Variants in ATXN3 observed in about 807,000 individuals in gnomAD.
ATXN3 encodes the protein ataxin 3, also known as ataxin-3.
Under a neutral mutation model 58.2 loss-of-function variants are expected in ATXN3, and 28 were observed. That is an observed-to-expected ratio of 0.48 (90% CI 0.36 to 0.66). The LOEUF (loss-of-function observed/expected upper bound fraction) is 0.66, where lower values mean the gene tolerates loss of function less well. ATXN3 is among the 30% of genes least tolerant of loss of function. The probability of loss-of-function intolerance (pLI) is 0.00; values close to 1 mark genes in which losing one functional copy is unlikely to be tolerated. For synonymous variants in ATXN3, 113 were observed against 138.5 expected, an observed-to-expected ratio of 0.82 and a Z score of 1.29; for missense variants, 321 against 422.1, an observed-to-expected ratio of 0.76 and a Z score of 2.10.
intron 10 of ATXN3, 199 bp downstream of exon 10, chr14:92,070,736 A>G: frequency 7.5e-7 from 1 of 1,329,220 alleles, no homozygotes; most frequent in Non-Finnish European, 9.9e-7. Context: ...GTGAGCCACC[A>G]CATCTAGCTT....
upstream of ATXN3, among the ~76,000 whole-genome samples, chr14:92,053,012 G>A (rs559330844): frequency 5.9e-5 from 9 of 152,274 alleles, no homozygotes; most frequent in African/African-American, 1.9e-4. Flanking sequence ...AGCACTTTGG[G>A]AGGCCGAGGC....
At chr14:92,097,123 A>C (rs929450101) in intron 1 of ATXN3, among the ~76,000 whole-genome samples, 1 of 151,882 alleles carries the variant, frequency 6.6e-6, no homozygotes, top group Non-Finnish European at 1.5e-5. Context: ...GTTAGCCAGG[A>C]TGGTCTTGAT....
At chr14:92,076,924 A>T (rs973484491) in intron 9 of ATXN3, among the ~76,000 whole-genome samples, 5 of 124,298 alleles carry the variant, frequency 4.0e-5, no homozygotes, top group African/African-American at 1.6e-4. Context: ...TGGGTGACAG[A>T]GTGAGATTTC....
chr14:92,088,497 A>G (rs1430645595), intron 6 of ATXN3, among the ~76,000 whole-genome samples: 4 of 152,200 alleles, frequency 2.6e-5, no homozygotes, highest in African/African-American at 9.6e-5. Flanking sequence ...AGAAAAAGCC[A>G]TTACTTAGAA....
In ATXN3 at chr14:92,061,693, T is replaced by C. The variant is rs1654577259; in HGVS notation, c.*2627A>G. Reference sequence around the variant, plus strand: ...TTGTTCCTGACTTTCTTGCAGGTGGTTTACAGTAAATGGCAGTACCTGATG... The same window carrying C: ...TTGTTCCTGACTTTCTTGCAGGTGGCTTACAGTAAATGGCAGTACCTGATG... On this transcript the variant is annotated 3_prime_UTR_variant, in exon 11 of 11. Transcript: ENST00000644486. 1 of 152,246 alleles carries C rather than the reference T, an allele frequency of 6.6e-6. No individual in the cohort carries two copies. Among genetic ancestry groups the C allele is most frequent in the African/African-American group, 2.4e-5 (1 of 41,464 alleles). 9.4% of individuals were successfully genotyped at this position (152,246 alleles called of 1,614,324 possible). A position where few individuals can be genotyped will look rare whatever the true frequency, so the allele number is the denominator to read the frequency against.
chr14:92,052,172 C>T (rs1158317975), upstream of ATXN3, among the ~76,000 whole-genome samples: 1 of 152,070 alleles, frequency 6.6e-6, no homozygotes, highest in African/African-American at 2.4e-5. Flanking sequence ...CCTGCATCAA[C>T]TTGTCATCCT....
chr14:92,094,865 G>A lies in ATXN3; in HGVS notation c.235-1034C>T, dbSNP rs905738383. Among the ~76,000 whole-genome samples, 18 of 152,310 alleles carry A rather than the reference G, an allele frequency of 1.2e-4. No individual in the cohort carries two copies. In the South Asian group the frequency reaches 3.3e-3, roughly 28 times the overall value. On this transcript the variant is annotated intron_variant, in intron 3 of 10. Transcript: ENST00000644486. ...CTGCAGTAGCCATTACCTGTTAGCA[G>A]TGGCACGGTAAAGCACTAGATGGAA...
intron 9 of ATXN3, among the ~76,000 whole-genome samples, chr14:92,074,930 C>G (rs1487753784): frequency 6.6e-6 from 1 of 152,190 alleles, no homozygotes; most frequent in Non-Finnish European, 1.5e-5. Flanking sequence ...TAACTGCCAA[C>G]ATGTATGTAT....
chr14:92,102,158 G>A (rs1420062027), intron 1 of ATXN3, among the ~76,000 whole-genome samples: 1 of 150,914 alleles, frequency 6.6e-6, no homozygotes, highest in East Asian at 1.9e-4. Context: ...AAGAAAGTTC[G>A]TGCCACTGCA....
At chr14:92,071,812 T>C (rs1227760153) in intron 9 of ATXN3, among the ~76,000 whole-genome samples, 2 of 152,184 alleles carry the variant, frequency 1.3e-5, no homozygotes, top group African/African-American at 4.8e-5. Flanking sequence ...TTAAAATTTA[T>C]CTCCCCAGAG....
intron 1 of ATXN3, among the ~76,000 whole-genome samples, chr14:92,099,367 A>G (rs962911173): frequency 2.6e-5 from 4 of 152,244 alleles, no homozygotes; most frequent in Non-Finnish European, 5.9e-5. Flanking sequence ...AGACAGCCTC[A>G]GTCTGAGATA....
chr14:92,048,475 T>A (rs993518218), intron 1 of ATXN3, among the ~76,000 whole-genome samples: 37 of 152,352 alleles, frequency 2.4e-4, no homozygotes, highest in African/African-American at 8.2e-4. Context: ...TTCTGGCCAT[T>A]CTGGGTCTAG....
intron 1 of ATXN3, among the ~76,000 whole-genome samples, chr14:92,097,208 T>C (rs1164905164): frequency 6.9e-6 from 1 of 145,106 alleles, no homozygotes; most frequent in Non-Finnish European, 1.5e-5. Context: ...TGCGCCCGGC[T>C]CCCCTAAATA....
chr14:92,096,440 T>A, intron 2 of ATXN3: 1 of 801,482 alleles, frequency 1.2e-6, no homozygotes, highest in South Asian at 1.9e-5. Context: ...CTGACCAACA[T>A]GGTGAAACCC....
chr14:92,057,462 C>T (rs2057484249), downstream of ATXN3, among the ~76,000 whole-genome samples: 1 of 152,034 alleles, frequency 6.6e-6, no homozygotes, highest in South Asian at 2.1e-4. Flanking sequence ...GACATGGCAA[C>T]CAGCAGCCCT....
chr14:92,058,513 T>G (rs996624159), downstream of ATXN3: 9 of 152,188 alleles, frequency 5.9e-5, no homozygotes, highest in Non-Finnish European at 1.3e-4. Flanking sequence ...ACACTTTGAA[T>G]AGCTATGAAT....
Position 92,084,683 on chromosome 14 carries a change from G to A in ATXN3, c.476-1425C>T, listed in dbSNP as rs182761342. 2.0e-5 allele frequency among the ~76,000 whole-genome samples: 3 copies of A among 151,754 alleles called. No homozygotes were observed. The East Asian group carries it at 5.8e-4, about 30-fold the overall frequency. ...CCTCTGCCTCCCAGGAGGTTCAAGC[G>A]ATTCTCCTGCCTCAGCCTCCTGAGT... On this transcript the variant is annotated intron_variant, in intron 6 of 10. Transcript: ENST00000644486.
intron 1 of ATXN3, among the ~76,000 whole-genome samples, chr14:92,097,919 T>C (rs1283047003): frequency 6.6e-6 from 1 of 152,178 alleles, no homozygotes; most frequent in Admixed American, 6.6e-5. Context: ...ACATTTATTT[T>C]ACAAATCTAC....
intron 6 of ATXN3, among the ~76,000 whole-genome samples, chr14:92,088,346 A>G (rs2140940691): frequency 6.6e-6 from 1 of 152,332 alleles, no homozygotes; most frequent in African/African-American, 2.4e-5. Context: ...CTGGGATTAC[A>G]GGCGTGAGCC....
Sources: gnomAD v4.1 joint callset for allele counts (sites outside exome capture counted in the v4.1 genomes callset) on GRCh38, gnomAD v4.1.1 for gene constraint, MANE v1.5 for transcripts, NCBI Gene and HGNC (gene_info 2026-07-23, HGNC 2026-07-21) for gene names.